Variants in CPNE5 observed in about 807,000 individuals in gnomAD.
CPNE5 encodes copine 5, also known as copine-5.
A neutral mutation model predicts 81.1 loss-of-function variants in CPNE5; 42 were observed. The observed-to-expected ratio is 0.52, with a 90% CI of 0.40 to 0.67. The LOEUF (loss-of-function observed/expected upper bound fraction) is 0.67. Among genes scored for constraint, CPNE5 ranks in the 30% least tolerant of loss-of-function variants. CPNE5 has a pLI of 0.00. For missense variants in CPNE5, 612 were observed against 815.5 expected (o/e 0.75, Z 3.04); for synonymous variants, 313 against 321.5 (o/e 0.97, Z 0.28).
chr6:36,805,506 A>C (rs1770511769), intron 3 of CPNE5, among the ~76,000 whole-genome samples: 2 of 152,262 alleles, frequency 1.3e-5, no homozygotes, highest in Admixed American at 1.3e-4. Flanking sequence ...AAGGATGCCC[A>C]AGCAATCTGC....
At chr6:36,823,943 T>C (rs1204454261) in intron 1 of CPNE5, among the ~76,000 whole-genome samples, 1 of 152,180 alleles carries the variant, frequency 6.6e-6, no homozygotes, top group Non-Finnish European at 1.5e-5. Flanking sequence ...GCACATCTGG[T>C]ATCCCTCGTT....
intron 20 of CPNE5, chr6:36,742,938 C>A (rs1763699971): frequency 1.0e-6 from 1 of 985,272 alleles, no homozygotes. Flanking sequence ...AATGCCAGGC[C>A]CATCTGGCTT....
rs1659873620 is a variant in CPNE5 at position 36,770,265 on chromosome 6, C to T, written c.737+4696G>A. On this transcript the variant is annotated intron_variant, in intron 10 of 20. Transcript: ENST00000244751. ...AGGGCCAGGCCAGAGGCAATTTCAA[C>T]AGGAGGGAAATGCAGCTTCTCCTTA... 2.0e-5 allele frequency among the ~76,000 whole-genome samples: 3 copies of T among 152,308 alleles called. No homozygotes were observed. In the South Asian group the frequency reaches 6.2e-4, roughly 32 times the overall value.
intron 6 of CPNE5, 72 bp downstream of exon 6, chr6:36,798,093 C>T: frequency 8.3e-7 from 1 of 1,202,830 alleles, no homozygotes; most frequent in African/African-American, 1.5e-5. Flanking sequence ...GCTTTGTCCC[C>T]ATCCTGAGCC....
At chr6:36,798,597 G>A in intron 4 of CPNE5, 103 bp from the exon 5 acceptor site, 1 of 944,270 alleles carries the variant, frequency 1.1e-6, no homozygotes, top group Non-Finnish European at 1.7e-6. Context: ...CAAAAAACAG[G>A]TCCCAACACA....
At chr6:36,767,099 A>T (rs1429876692) in intron 10 of CPNE5, among the ~76,000 whole-genome samples, 2 of 151,896 alleles carry the variant, frequency 1.3e-5, no homozygotes, top group African/African-American at 2.4e-5. Context: ...CAAGTGATCC[A>T]CCCGTCTCGG....
intron 8 of CPNE5, among the ~76,000 whole-genome samples, chr6:36,782,348 C>T (rs1460046268): frequency 1.3e-5 from 2 of 152,160 alleles, no homozygotes; most frequent in East Asian, 1.9e-4. Flanking sequence ...CCAGAGGCAA[C>T]AGCTCTTAGT....
At chr6:36,758,664 C>A (rs1223305893) in intron 12 of CPNE5, among the ~76,000 whole-genome samples, 1 of 152,130 alleles carries the variant, frequency 6.6e-6, no homozygotes, top group Non-Finnish European at 1.5e-5. Context: ...GTGAGAACAG[C>A]GCTGTCAAGA....
chr6:36,747,125 C>G (rs535452898), intron 15 of CPNE5, among the ~76,000 whole-genome samples: 242 of 152,300 alleles, frequency 1.6e-3, no homozygotes, highest in Non-Finnish European at 2.4e-4. Context: ...TGTCCACTCC[C>G]TGGCCCGCTC....
chr6:36,752,896 G>T, intron 14 of CPNE5, 138 bp downstream of exon 14: 2 of 651,020 alleles, frequency 3.1e-6, no homozygotes. Flanking sequence ...CAAACACCAG[G>T]GTTTGCTCAG....
At chr6:36,832,554 A>G (rs1773055778) in intron 1 of CPNE5, among the ~76,000 whole-genome samples, 1 of 152,242 alleles carries the variant, frequency 6.6e-6, no homozygotes, top group African/African-American at 2.4e-5. Context: ...AGAGGCAGCC[A>G]TTTTGTAACA....
In CPNE5 at chr6:36,787,088, C is replaced by T. The variant is rs934300205; in HGVS notation, c.528+4945G>A. ...TCATATCGGTCTCAGCCACAACACA[C>T]GACTCTCCTATGTATCAACCTGCAT... On this transcript the variant is annotated intron_variant, in intron 8 of 20. Transcript: ENST00000244751. Among the ~76,000 whole-genome samples the T allele has an allele frequency of 3.3e-5, 5 of 152,152 alleles. 1 individual carries two copies. The highest frequency in any genetic ancestry group is 2.9e-5 in the Non-Finnish European group (2 of 68,026).
At chr6:36,794,710 C>T in intron 6 of CPNE5, 61 bp from the exon 7 acceptor site, 1 of 1,483,414 alleles carries the variant, frequency 6.7e-7, no homozygotes, top group Non-Finnish European at 9.4e-7. Context: ...CCCAGACAGG[C>T]CAGCGCACTT....
intron 12 of CPNE5, 86 bp downstream of exon 12, chr6:36,762,831 C>T: frequency 9.3e-7 from 1 of 1,071,734 alleles, no homozygotes; most frequent in Admixed American, 1.7e-5. Flanking sequence ...CACACCAAGC[C>T]CCCAGCCCAG....
Position 36,806,497 on chromosome 6 carries a change from G to T in CPNE5, c.184-6427C>A, listed in dbSNP as rs1041348078. On this transcript the variant is annotated intron_variant, in intron 3 of 20. Transcript: ENST00000244751. The stretch of plus-strand genomic sequence containing the variant: ...GTGCCTTCTCCCATCGCCACGGCAA[G>T]CCTGGGTGGTCACAGCTCCCTGCTG... Among the ~76,000 whole-genome samples, 59 of 152,150 alleles carry T rather than the reference G, an allele frequency of 3.9e-4. 1 individual carries two copies. The highest frequency in any genetic ancestry group is 2.3e-3 in the Admixed American group (35 of 15,282).
intron 3 of CPNE5, among the ~76,000 whole-genome samples, chr6:36,816,801 C>T (rs530011388): frequency 2.8e-4 from 43 of 152,302 alleles, no homozygotes; most frequent in African/African-American, 8.7e-4. Context: ...GCTTTCGAGA[C>T]AGGGTCTCAT....
chr6:36,797,885 C>T (rs1214768154), intron 6 of CPNE5, among the ~76,000 whole-genome samples: 2 of 152,170 alleles, frequency 1.3e-5, no homozygotes, highest in Non-Finnish European at 2.9e-5. Flanking sequence ...TTCTTCCACA[C>T]TATGATAGGG....
rs888883786 is a variant in CPNE5 at position 36,811,941 on chromosome 6, G to A, written c.183+10173C>T. Among the ~76,000 whole-genome samples, 6 of 151,020 alleles carry A rather than the reference G, an allele frequency of 4.0e-5. No individual in the cohort carries two copies. The East Asian group carries it at 9.7e-4, about 25-fold the overall frequency. ...CAACATGGTGAAACCCCATCTCTAC[G>A]AAAAATACAAAAATTAGCTGGGGGT... On this transcript the variant is annotated intron_variant, in intron 3 of 20. Coordinates refer to ENST00000244751, the MANE Select transcript of CPNE5 (RefSeq NM_020939.2).
chr6:36,746,271 C>T lies in CPNE5; in HGVS notation c.1200+125G>A. 6.9e-7 allele frequency: 1 copy of T among 1,445,828 alleles called. No individual in the cohort carries two copies. The highest frequency in any genetic ancestry group is 1.4e-5 in the South Asian group (1 of 69,070). The allele number at this position is 1,445,828 out of a possible 1,614,324, so 89.6% of individuals were successfully genotyped here. ...AGCCCCCCTACACACAGCAGGCAGT[C>T]TACCTCCACTGAGGCTGAGCCTTAA... On this transcript the variant is annotated intron_variant, in intron 16 of 20. Transcript: ENST00000244751. The surrounding 1 kb of genome is among the most constrained non-coding windows in gnomAD (Gnocchi z 4.5).
Sources: gnomAD v4.1 joint callset for allele counts (sites outside exome capture counted in the v4.1 genomes callset) on GRCh38, gnomAD v4.1.1 for gene constraint, Gnocchi (gnomAD v3.1) non-coding constraint, MANE v1.5 for transcripts, NCBI Gene and HGNC (gene_info 2026-07-23, HGNC 2026-07-21) for gene names.